Variants in LINGO2 observed in about 807,000 individuals in gnomAD.
LINGO2 encodes leucine rich repeat and Ig domain containing 2, also known as leucine-rich repeat and immunoglobulin-like domain-containing nogo receptor-interacting protein 2.
In LINGO2, 14 loss-of-function variants were observed where a neutral mutation model predicts 30.6. The observed-to-expected ratio is 0.46, with a 90% CI of 0.30 to 0.72. LINGO2 has a LOEUF of 0.72. Among genes scored for constraint, LINGO2 ranks in the 30% least tolerant of loss-of-function variants. LINGO2 has a pLI of 0.07. For synonymous variants in LINGO2, 317 were observed against 288.5 expected (o/e 1.10, Z -1.00); for missense variants, 729 against 751.7 (o/e 0.97, Z 0.35).
chr9:28,585,510 G>A (rs111630000), intron 1 of LINGO2, among the ~76,000 whole-genome samples: 7 of 152,066 alleles, frequency 4.6e-5, no homozygotes, highest in African/African-American at 1.4e-4. Context: ...CCATACTTCA[G>A]TACAGTATTA....
At chr9:28,728,411 A>G in the LINGO2 span, among the ~76,000 whole-genome samples, 1 of 152,174 alleles carries the variant, frequency 6.6e-6, no homozygotes, top group Admixed American at 6.5e-5. Context: ...TTGCAAATGA[A>G]AAAAAAGAAA....
intron 4 of LINGO2, among the ~76,000 whole-genome samples, chr9:28,017,311 G>A (rs181042690): frequency 2.6e-5 from 4 of 152,144 alleles, no homozygotes; most frequent in Admixed American, 2.6e-4. Flanking sequence ...CTACTCCTAT[G>A]CAACATAGTA....
chr9:28,880,894 C>T, the LINGO2 span, among the ~76,000 whole-genome samples: 16 of 152,136 alleles, frequency 1.1e-4, no homozygotes, highest in African/African-American at 3.6e-4. Flanking sequence ...ATCTGGCCTA[C>T]GTGCACATCC....
chr9:28,968,290 A>C, the LINGO2 span, among the ~76,000 whole-genome samples: 68 of 152,212 alleles, frequency 4.5e-4, no homozygotes, highest in African/African-American at 1.6e-3. Context: ...CAAAAACTGG[A>C]GTGGCTGGGC....
chr9:29,188,037 T>TTTTTTTTA, the LINGO2 span, among the ~76,000 whole-genome samples: 19 of 123,692 alleles, frequency 1.5e-4, 7 homozygotes, highest in East Asian at 1.5e-3. Flanking sequence ...TTTTTTTTTT[T>TTTTTTTTA]ATTGATCATT....
At chr9:28,978,333 G>T in the LINGO2 span, among the ~76,000 whole-genome samples, 1 of 152,124 alleles carries the variant, frequency 6.6e-6, no homozygotes. Flanking sequence ...AGTGCTTTTG[G>T]GCTAGATTAA....
the LINGO2 span, among the ~76,000 whole-genome samples, chr9:28,936,565 A>G: frequency 0.013 from 2,033 of 152,330 alleles, 30 homozygotes; most frequent in African/African-American, 0.045. Flanking sequence ...ACCGAACTAC[A>G]TTAGAATGAC....
intron 4 of LINGO2, among the ~76,000 whole-genome samples, chr9:28,190,263 T>G (rs1462039226): frequency 6.6e-6 from 1 of 152,192 alleles, no homozygotes; most frequent in Non-Finnish European, 1.5e-5. Flanking sequence ...TGTATCTGTT[T>G]TTATTTTTTT....
At chr9:28,783,286 A>G in the LINGO2 span, among the ~76,000 whole-genome samples, 1 of 152,132 alleles carries the variant, frequency 6.6e-6, no homozygotes, top group African/African-American at 2.4e-5. Context: ...ATAGCATTGT[A>G]TTTATATATA....
the LINGO2 span, among the ~76,000 whole-genome samples, chr9:29,199,439 T>G: frequency 6.6e-6 from 1 of 152,002 alleles, no homozygotes; most frequent in South Asian, 2.1e-4. Flanking sequence ...CAGGGGAAGT[T>G]TATCCAGGGT....
the LINGO2 span, among the ~76,000 whole-genome samples, chr9:28,694,871 G>C: frequency 1.3e-5 from 2 of 151,544 alleles, no homozygotes; most frequent in Non-Finnish European, 2.9e-5. Flanking sequence ...GTGTGTCATG[G>C]TCAAAAACAA....
chr9:28,285,795 G>A (rs1382499855), intron 4 of LINGO2, among the ~76,000 whole-genome samples: 1 of 152,080 alleles, frequency 6.6e-6, no homozygotes, highest in Non-Finnish European at 1.5e-5. Flanking sequence ...GGTCAATCAC[G>A]ACTTCTTATA....
chr9:28,410,638 C>T (rs1447517230), intron 2 of LINGO2, among the ~76,000 whole-genome samples: 1 of 152,022 alleles, frequency 6.6e-6, no homozygotes, highest in African/African-American at 2.4e-5. Context: ...AAGATAAAGG[C>T]TGACAAAGTA....
the LINGO2 span, among the ~76,000 whole-genome samples, chr9:28,747,067 G>C: frequency 2.6e-5 from 4 of 151,918 alleles, no homozygotes; most frequent in Admixed American, 6.6e-5. Flanking sequence ...AATGAGAACA[G>C]GCATTCCTGT....
intron 4 of LINGO2, among the ~76,000 whole-genome samples, chr9:28,153,455 A>C (rs1332390806): frequency 6.6e-6 from 1 of 152,200 alleles, no homozygotes; most frequent in East Asian, 1.9e-4. Context: ...AGCCTAGAAC[A>C]TTACCTACTT....
chr9:28,789,388 C>A, the LINGO2 span, among the ~76,000 whole-genome samples: 1 of 152,136 alleles, frequency 6.6e-6, no homozygotes, highest in Non-Finnish European at 1.5e-5. Context: ...TAACTGAGAA[C>A]ATTTTATCTG....
chr9:28,532,300 A>C (rs985947781), intron 1 of LINGO2, among the ~76,000 whole-genome samples: 1 of 152,164 alleles, frequency 6.6e-6, no homozygotes, highest in African/African-American at 2.4e-5. Context: ...GCAAATCAGG[A>C]GAATATCCTG....
chr9:28,004,055 A>C (rs557297308), intron 5 of LINGO2, among the ~76,000 whole-genome samples: 32 of 152,334 alleles, frequency 2.1e-4, no homozygotes, highest in African/African-American at 7.7e-4. Flanking sequence ...TTTAAGAACA[A>C]TGAAATAATC....
chr9:28,435,675 T>A (rs1363563599), intron 2 of LINGO2, among the ~76,000 whole-genome samples: 2 of 152,206 alleles, frequency 1.3e-5, no homozygotes, highest in Non-Finnish European at 2.9e-5. Flanking sequence ...ATGGCTAGGA[T>A]TAGAATGACA....
Sources: allele counts gnomAD v4.1 joint callset (sites outside exome capture counted in the v4.1 genomes callset), GRCh38; gene constraint gnomAD v4.1.1; transcripts MANE v1.5; gene names NCBI Gene and HGNC (gene_info 2026-07-23, HGNC 2026-07-21).